The following SPATA17 variants were observed in gnomAD, a reference collection of about 807,000 sequenced individuals.
SPATA17 encodes spermatogenesis-associated protein 17.
In SPATA17, 53 loss-of-function variants were observed where a neutral mutation model predicts 62.2. The ratio of observed to expected loss-of-function variants is 0.85; its 90% confidence interval spans 0.68 to 1.07. The LOEUF (loss-of-function observed/expected upper bound fraction) is 1.07. Ranked by LOEUF, SPATA17 falls within the 50% of genes least tolerant of loss-of-function variation. The pLI, the probability that SPATA17 is intolerant of heterozygous loss-of-function variation, is 0.00. For missense variants in SPATA17, 466 were observed against 425.5 expected, an observed-to-expected ratio of 1.10 and a Z score of -0.84; for synonymous variants, 146 against 146.8, an observed-to-expected ratio of 0.99 and a Z score of 0.04.
At chr1:217,764,008 C>G (rs1279956831) in intron 6 of SPATA17, among the ~76,000 whole-genome samples, 1 of 152,122 alleles carries the variant, frequency 6.6e-6, no homozygotes, top group Non-Finnish European at 1.5e-5. Context: ...GCACACCCTT[C>G]CCCACTGTCA....
intron 4 of SPATA17, among the ~76,000 whole-genome samples, chr1:217,679,551 G>A (rs1558562835): frequency 6.6e-6 from 1 of 152,150 alleles, no homozygotes; most frequent in African/African-American, 2.4e-5. Flanking sequence ...CTTAAAGACT[G>A]ATTGATTATA....
At chr1:217,680,922 TAAAAAAAAAA>T (rs71166016) in intron 4 of SPATA17, among the ~76,000 whole-genome samples, 28 of 58,188 alleles carry the variant, frequency 4.8e-4, no homozygotes, top group South Asian at 2.4e-3. Flanking sequence ...GAGACTCTGT[TAAAAAAAAAA>T]AAAAAAAAAA....
At chr1:217,766,660 T>C (rs1673308288) in intron 6 of SPATA17, among the ~76,000 whole-genome samples, 1 of 151,974 alleles carries the variant, frequency 6.6e-6, no homozygotes, top group Non-Finnish European at 1.5e-5. Flanking sequence ...GATTTATTTC[T>C]TCTCTGATCT....
Position 217,812,253 on chromosome 1 carries a change from A to G in SPATA17, c.1005+10403A>G, listed in dbSNP as rs538658047. 1.6e-3 allele frequency among the ~76,000 whole-genome samples: 248 copies of G among 152,324 alleles called. 1 individual carries two copies. The highest frequency in any genetic ancestry group is 5.7e-3 in the African/African-American group (237 of 41,584). On this transcript the variant is annotated intron_variant, in intron 9 of 10. Transcript: ENST00000366933. Reference sequence around the variant, plus strand: ...GTTGGCAGAAAATCAAAGGTAAGTAAATACTCTTCCTCTCATCACATTCAT... The same window carrying G: ...GTTGGCAGAAAATCAAAGGTAAGTAGATACTCTTCCTCTCATCACATTCAT...
intron 9 of SPATA17, among the ~76,000 whole-genome samples, chr1:217,827,737 A>G (rs1038216848): frequency 6.6e-6 from 1 of 152,132 alleles, no homozygotes; most frequent in Admixed American, 6.6e-5. Context: ...TTGCAGGGAC[A>G]TGGATGAAGC....
intron 9 of SPATA17, chr1:217,850,334 G>A (rs959302068): frequency 1.9e-6 from 1 of 529,978 alleles, no homozygotes; most frequent in Non-Finnish European, 3.3e-6. Context: ...CTAAACTTAA[G>A]TGGGGGCAGA....
intron 5 of SPATA17, among the ~76,000 whole-genome samples, chr1:217,706,405 C>G (rs1424740113): frequency 6.6e-6 from 1 of 152,146 alleles, no homozygotes; most frequent in Non-Finnish European, 1.5e-5. Flanking sequence ...AGGAAGGGAC[C>G]TGTAATCCCC....
At chr1:217,864,793 A>G (rs1031498744) in intron 10 of SPATA17, among the ~76,000 whole-genome samples, 1 of 152,146 alleles carries the variant, frequency 6.6e-6, no homozygotes, top group Non-Finnish European at 1.5e-5. Flanking sequence ...ACTTTATTCT[A>G]TTTAATCATA....
intron 10 of SPATA17, among the ~76,000 whole-genome samples, chr1:217,864,002 T>C (rs934140668): frequency 2.0e-5 from 3 of 152,200 alleles, no homozygotes; most frequent in African/African-American, 7.2e-5. Flanking sequence ...CACTGAGTGC[T>C]TCAATTTGGA....
At chr1:217,805,246 G>A (rs1260464890) in intron 9 of SPATA17, among the ~76,000 whole-genome samples, 2 of 152,144 alleles carry the variant, frequency 1.3e-5, no homozygotes, top group Non-Finnish European at 2.9e-5. Flanking sequence ...GGACAACCCT[G>A]GAGGATCTTA....
intron 6 of SPATA17, among the ~76,000 whole-genome samples, chr1:217,750,847 G>T (rs1415474544): frequency 1.3e-5 from 2 of 152,170 alleles, no homozygotes; most frequent in Non-Finnish European, 2.9e-5. Context: ...AAGAAATTAA[G>T]ACTAGAAGAT....
chr1:217,720,612 G>C (rs867360138), intron 5 of SPATA17, among the ~76,000 whole-genome samples: 1 of 151,980 alleles, frequency 6.6e-6, no homozygotes, highest in Non-Finnish European at 1.5e-5. Context: ...GGGCAATATC[G>C]TAAGGCCTTG....
chr1:217,788,629 C>T (rs1673921873), intron 8 of SPATA17, among the ~76,000 whole-genome samples: 1 of 152,028 alleles, frequency 6.6e-6, no homozygotes, highest in East Asian at 1.9e-4. Flanking sequence ...ATTTACCTTT[C>T]CTAGCTTTAA....
Position 217,683,278 on chromosome 1 carries a change from C to T in SPATA17, c.312C>T (p.Gly104=), listed in dbSNP as rs1558564288. The T allele has an allele frequency of 6.2e-7, 1 of 1,607,412 alleles. No individual in the cohort carries two copies. The highest frequency in any genetic ancestry group is 1.1e-5 in the South Asian group (1 of 90,110). ...MAVRIQRRWR[G]YRVRKYLFNY... ...AATAGATTCAGAGACGATGGCGAGG[C>T]TATAGGGTTCGGAAGTACCTCTTTA... The change falls in exon 5 of 11, where the codon GGC becomes GGT. Residue 104 remains glycine (G), a synonymous_variant. Transcript: ENST00000366933.
intron 9 of SPATA17, among the ~76,000 whole-genome samples, chr1:217,816,067 GT>G (rs145221025): frequency 0.029 from 4,476 of 151,978 alleles, 143 homozygotes; most frequent in African/African-American, 0.075. Context: ...ATTCTCAGTG[GT>G]TTTTACAAAA....
At chr1:217,701,940 T>C (rs1257885054) in intron 5 of SPATA17, among the ~76,000 whole-genome samples, 1 of 151,996 alleles carries the variant, frequency 6.6e-6, no homozygotes, top group Admixed American at 6.6e-5. Context: ...ACTTTAGTTC[T>C]ATCATCCTTT....
At chr1:217,670,264 G>A (rs1670802655) in intron 4 of SPATA17, among the ~76,000 whole-genome samples, 1 of 152,092 alleles carries the variant, frequency 6.6e-6, no homozygotes, top group Non-Finnish European at 1.5e-5. Flanking sequence ...AGATGACTGA[G>A]AACCTAAAGC....
chr1:217,699,411 T>C (rs1204118966), intron 5 of SPATA17, among the ~76,000 whole-genome samples: 1 of 152,218 alleles, frequency 6.6e-6, no homozygotes, highest in Non-Finnish European at 1.5e-5. Context: ...GATAGGTATG[T>C]ACTGATACAT....
intron 3 of SPATA17, among the ~76,000 whole-genome samples, chr1:217,665,095 T>G (rs1670664387): frequency 6.6e-6 from 1 of 152,220 alleles, no homozygotes; most frequent in African/African-American, 2.4e-5. Context: ...ATTTTGCTTA[T>G]CACTTTGACC....
Sources: gnomAD v4.1 joint callset for allele counts (sites outside exome capture counted in the v4.1 genomes callset) on GRCh38, gnomAD v4.1.1 for gene constraint, MANE v1.5 for transcripts, NCBI Gene and HGNC (gene_info 2026-07-23, HGNC 2026-07-21) for gene names.